Variants in ABCA10 observed in about 807,000 individuals in gnomAD.
ABCA10 encodes the protein ATP-binding cassette sub-family A member 10.
Under a neutral mutation model 187.5 loss-of-function variants are expected in ABCA10, and 169 were observed. That is an observed-to-expected ratio of 0.90 (90% CI 0.80 to 1.02). ABCA10 has a LOEUF of 1.02. Among genes scored for constraint, ABCA10 ranks in the 50% least tolerant of loss-of-function variants. The pLI, the probability that ABCA10 is intolerant of heterozygous loss-of-function variation, is 0.00. For synonymous variants in ABCA10, 574 were observed against 601.8 expected, an observed-to-expected ratio of 0.95 and a Z score of 0.68; for missense variants, 1,727 against 1,812.4, an observed-to-expected ratio of 0.95 and a Z score of 0.86.
chr17:69,181,004 A>G (rs2074376434), intron 22 of ABCA10, among the ~76,000 whole-genome samples: 1 of 152,160 alleles, frequency 6.6e-6, no homozygotes, highest in South Asian at 2.1e-4. Context: ...GTTATAAAAC[A>G]TAAAGAAGCC....
chr17:69,191,610 C>G (rs891864982), intron 16 of ABCA10, among the ~76,000 whole-genome samples: 20 of 152,046 alleles, frequency 1.3e-4, no homozygotes, highest in Non-Finnish European at 2.9e-5. Flanking sequence ...CACACATACA[C>G]AAACACACAT....
chr17:69,211,361 A>G (rs1290904902), intron 9 of ABCA10, among the ~76,000 whole-genome samples: 3 of 30,484 alleles, frequency 9.8e-5, no homozygotes, highest in South Asian at 9.2e-4. Context: ...ATATATATAT[A>G]CACACACACC....
In ABCA10 at chr17:69,157,857, G is replaced by C. The variant is rs546672733; in HGVS notation, c.3364-934C>G. Reference sequence around the variant, plus strand: ...TGATTGAAGACATAAATGTGAAAGGGAAATATAAATATTTTAGAAAATAAT... The same window carrying C: ...TGATTGAAGACATAAATGTGAAAGGCAAATATAAATATTTTAGAAAATAAT... On this transcript the variant is annotated intron_variant, in intron 27 of 38. Transcript: ENST00000690296. Among the ~76,000 whole-genome samples, 6 of 151,976 alleles carry C rather than the reference G, an allele frequency of 3.9e-5. No homozygotes were observed. In the East Asian group the frequency reaches 1.2e-3, roughly 29 times the overall value.
intron 11 of ABCA10, chr17:69,196,225 C>T: frequency 6.3e-6 from 1 of 159,870 alleles, no homozygotes; most frequent in Non-Finnish European, 1.3e-5. Flanking sequence ...GGGGCGGCTG[C>T]CGGGCGGAGA....
chr17:69,177,963 A>AT (rs1568057310), intron 22 of ABCA10, among the ~76,000 whole-genome samples: 6 of 120,374 alleles, frequency 5.0e-5, no homozygotes, highest in African/African-American at 2.1e-4. Flanking sequence ...TTCAAAAAAA[A>AT]AAAAAAAAAA....
chr17:69,230,355 C>A (rs1366505943), upstream of ABCA10, among the ~76,000 whole-genome samples: 1 of 152,122 alleles, frequency 6.6e-6, no homozygotes, highest in Non-Finnish European at 1.5e-5. Flanking sequence ...GGATTTCAAT[C>A]TCCAATACGG....
chr17:69,234,602 G>A (rs930799668), intron 1 of ABCA10: 2 of 152,206 alleles, frequency 1.3e-5, no homozygotes, highest in African/African-American at 2.4e-5. Context: ...CCTGAATCCT[G>A]AGGCTCCTGC....
At position 69,185,545 on chromosome 17, in the gene ABCA10, A is replaced by G; in HGVS notation, c.2429T>C (p.Met810Thr). The G allele has an allele frequency of 1.2e-6, 2 of 1,613,612 alleles. No homozygotes were observed. Among genetic ancestry groups the G allele is most frequent in the South Asian group, 2.2e-5 (2 of 91,026 alleles). ...ETHCWEFSPS[M>T]YFLSLEQIPK... The stretch of plus-strand genomic sequence containing the variant: ...GATTTGTTCCAGAGAAAGGAAATAC[A>G]TACTGGGTGAAAACTCCCAACAATG... The change falls in exon 20 of 39, where the codon ATG (methionine) becomes ACG (threonine). Residue 810 changes from methionine (M) to threonine (T), a missense_variant. Transcript: ENST00000690296.
In ABCA10 at chr17:69,190,412, A is replaced by G. The variant is rs773186503; in HGVS notation, c.2077T>C (p.Ser693Pro). ...GIRNYAVSVTSLNEVFLNLEG... is the reference protein window; with the variant it reads ...GIRNYAVSVTPLNEVFLNLEG... The stretch of plus-strand genomic sequence containing the variant: ...AGGTTCAAGAATACTTCATTCAGAG[A>G]TGTCACTGAAACAGCATAATTCCTT... The change falls in exon 18 of 39, where the codon TCT becomes CCT. Residue 693 changes from serine (S) to proline (P), a missense_variant. Physicochemically the swap from Ser to Pro is moderately conservative, Grantham distance 74. Coordinates refer to ENST00000690296, the MANE Select transcript of ABCA10 (RefSeq NM_001377321.1). The G allele has an allele frequency of 1.3e-6, 2 of 1,583,308 alleles. No individual in the cohort carries two copies. Among genetic ancestry groups the G allele is most frequent in the Non-Finnish European group, 1.7e-6 (2 of 1,170,866 alleles).
In ABCA10 at chr17:69,152,108, A is replaced by G. The variant is rs2074133465; in HGVS notation, c.4332T>C (p.Pro1444=). 6.2e-7 allele frequency: 1 copy of G among 1,613,842 alleles called. No homozygotes were observed. The highest frequency in any genetic ancestry group is 1.1e-5 in the South Asian group (1 of 91,012). The change falls in exon 36 of 39, where the codon CCT becomes CCC. Residue 1444 remains proline, a synonymous_variant. Transcript: ENST00000690296. ...CTGTGTGGAGAGCTTCCACCTGGGTAGGTTCTTTCATTTTTATTTCTAGTA... is the reference window on the plus strand; with the variant it reads ...CTGTGTGGAGAGCTTCCACCTGGGTGGGTTCTTTCATTTTTATTTCTAGTA... ...DYLLEIKMKE[P]TQVEALHTEI...
rs1307181059 is a variant in ABCA10 at position 69,169,849 on chromosome 17, C to G, written c.3162+4432G>C. Among the ~76,000 whole-genome samples, 6 of 152,224 alleles carry G rather than the reference C, an allele frequency of 3.9e-5. No individual in the cohort carries two copies. In the East Asian group the frequency reaches 1.2e-3, roughly 29 times the overall value. ...TAAACAATATAAACTGAAATAAGCTCAGGGTTTCATCAGCTTATTTTATAA... is the reference window on the plus strand; with the variant it reads ...TAAACAATATAAACTGAAATAAGCTGAGGGTTTCATCAGCTTATTTTATAA... On this transcript the variant is annotated intron_variant, in intron 25 of 38. Transcript: ENST00000690296.
chr17:69,180,157 A>T (rs185315302), intron 22 of ABCA10, among the ~76,000 whole-genome samples: 63 of 152,322 alleles, frequency 4.1e-4, no homozygotes, highest in Middle Eastern at 3.4e-3. Flanking sequence ...AAATAAAAAA[A>T]TTTTAAAGAC....
chr17:69,178,591 C>T (rs2074354496), intron 22 of ABCA10, among the ~76,000 whole-genome samples: 1 of 151,968 alleles, frequency 6.6e-6, no homozygotes, highest in Admixed American at 6.6e-5. Context: ...TAAATCAGCC[C>T]CAAGATTTGA....
intron 31 of ABCA10, 50 bp downstream of exon 31, chr17:69,154,185 G>T: frequency 6.7e-7 from 1 of 1,501,316 alleles, no homozygotes. Flanking sequence ...AGGAATAATA[G>T]AAAGATGTCA....
chr17:69,193,240 C>A lies in ABCA10; in HGVS notation c.1650G>T (p.Leu550=). The A allele has an allele frequency of 6.2e-7, 1 of 1,612,946 alleles. No individual in the cohort carries two copies. Among genetic ancestry groups the A allele is most frequent in the South Asian group, 1.1e-5 (1 of 90,808 alleles). Residue 550 remains leucine, a synonymous_variant, in exon 15 of 39, where the codon CTG becomes CTT. Transcript: ENST00000690296. ...IAILGDPQVL[L]LDEPTAGLDP... ...CCAATCCAGCAGTTGGTTCATCTAG[C>A]AGCAAAACCTACAGAGGAGGAAACG... is the stretch of plus-strand genomic sequence containing the variant.
intron 3 of ABCA10, among the ~76,000 whole-genome samples, chr17:69,224,487 A>G (rs1000041945): frequency 1.3e-5 from 2 of 152,168 alleles, no homozygotes; most frequent in Non-Finnish European, 2.9e-5. Flanking sequence ...TGGAGAGTCC[A>G]GAGACCACAG....
chr17:69,156,011 TC>T (rs2074171787), intron 28 of ABCA10, 86 bp from the exon 29 acceptor site: 1 of 1,400,680 alleles, frequency 7.1e-7, no homozygotes, highest in Admixed American at 2.3e-5. Context: ...TAAATTATTA[TC>T]CTTTTTAAAA....
At chr17:69,215,695 C>T in intron 8 of ABCA10, 120 bp downstream of exon 8, 1 of 986,710 alleles carries the variant, frequency 1.0e-6, no homozygotes, top group South Asian at 3.5e-5. Context: ...AGTTTCTCAA[C>T]AGCAGAATTT....
chr17:69,158,352 G>T (rs919655165), intron 27 of ABCA10, among the ~76,000 whole-genome samples: 1 of 149,532 alleles, frequency 6.7e-6, no homozygotes, highest in Admixed American at 6.7e-5. Flanking sequence ...ATAAGAATCT[G>T]AAAAAAAAAT....
Sources: gnomAD v4.1 joint callset for allele counts (sites outside exome capture counted in the v4.1 genomes callset) on GRCh38, gnomAD v4.1.1 for gene constraint, MANE v1.5 for transcripts, NCBI Gene and HGNC (gene_info 2026-07-23, HGNC 2026-07-21) for gene names.